The following RGL1 variants were observed in gnomAD, a reference collection of about 807,000 sequenced individuals.
RGL1 encodes ral guanine nucleotide dissociation stimulator like 1.
Under a neutral mutation model 95.2 loss-of-function variants are expected in RGL1, and 24 were observed. That is an observed-to-expected ratio of 0.25 (90% confidence interval 0.18 to 0.35). The LOEUF (loss-of-function observed/expected upper bound fraction) is 0.35. Ranked by LOEUF, RGL1 falls within the 10% of genes least tolerant of loss-of-function variation. The pLI is 1.00. For synonymous variants in RGL1, 329 were observed against 344.9 expected (o/e 0.95, Z 0.51); for missense variants, 715 against 936.3 (o/e 0.76, Z 3.08).
chr1:183,877,014 C>T (rs1666533341), intron 4 of RGL1, among the ~76,000 whole-genome samples: 1 of 152,194 alleles, frequency 6.6e-6, no homozygotes, highest in Non-Finnish European at 1.5e-5. Context: ...CACAACTGAT[C>T]AGTGTCAGGT....
At chr1:183,765,208 T>G (rs901153562) in intron 2 of RGL1, among the ~76,000 whole-genome samples, 3 of 152,194 alleles carry the variant, frequency 2.0e-5, no homozygotes, top group African/African-American at 7.2e-5. Context: ...CAATGTGAAT[T>G]CCTCAAAGCT....
chr1:183,807,946 C>T (rs1224943756), intron 2 of RGL1, among the ~76,000 whole-genome samples: 1 of 152,172 alleles, frequency 6.6e-6, no homozygotes. Flanking sequence ...AATGTGGCGT[C>T]CATGTGGTTT....
chr1:183,674,935 C>A (rs4325101), intron 1 of RGL1, among the ~76,000 whole-genome samples: 12,839 of 152,180 alleles, frequency 0.084, 1,050 homozygotes, highest in African/African-American at 0.22. Context: ...AGTAATTAGG[C>A]GGCTGTCCCA....
At chr1:183,700,692 C>T (rs1654540045) in intron 1 of RGL1, among the ~76,000 whole-genome samples, 1 of 151,922 alleles carries the variant, frequency 6.6e-6, no homozygotes, top group African/African-American at 2.4e-5. Flanking sequence ...ATTACAGGTG[C>T]ACACCACCAC....
At chr1:183,644,455 T>G (rs1196965607) in intron 1 of RGL1, among the ~76,000 whole-genome samples, 1 of 152,108 alleles carries the variant, frequency 6.6e-6, no homozygotes, top group Non-Finnish European at 1.5e-5. Context: ...AAACAGGGTC[T>G]TGCTATGTTG....
intron 2 of RGL1, 143 bp downstream of exon 2, chr1:183,806,628 C>T: frequency 3.2e-6 from 2 of 615,902 alleles, no homozygotes; most frequent in Non-Finnish European, 5.7e-6. Context: ...CAAGTGTTTG[C>T]ACTAGCTGAA....
chr1:183,704,296 G>T (rs185876888), intron 1 of RGL1, among the ~76,000 whole-genome samples: 1 of 152,184 alleles, frequency 6.6e-6, no homozygotes, highest in Non-Finnish European at 1.5e-5. Flanking sequence ...GTTAGGAAAC[G>T]CTGTTCTTTC....
intron 2 of RGL1, among the ~76,000 whole-genome samples, chr1:183,755,800 GTAAT>G (rs1273297484): frequency 6.6e-6 from 1 of 152,034 alleles, no homozygotes; most frequent in Non-Finnish European, 1.5e-5. Context: ...CTTAGAGCAT[GTAAT>G]CCAGCATGAG....
intron 12 of RGL1, 96 bp from the exon 13 acceptor site, chr1:183,904,754 C>A: frequency 7.8e-7 from 1 of 1,283,824 alleles, no homozygotes; most frequent in Non-Finnish European, 1.1e-6. Context: ...ATCTTTTATC[C>A]TAATGTGGTA....
intron 1 of RGL1, among the ~76,000 whole-genome samples, chr1:183,642,259 A>T (rs2101976480): frequency 6.6e-6 from 1 of 152,346 alleles, no homozygotes; most frequent in East Asian, 1.9e-4. Context: ...CTTGGTAAAT[A>T]AACCCTTTAC....
intron 1 of RGL1, among the ~76,000 whole-genome samples, chr1:183,678,700 C>T (rs924748247): frequency 1.3e-5 from 2 of 151,700 alleles, no homozygotes; most frequent in African/African-American, 2.4e-5. Context: ...TTCTTCTAAG[C>T]AAGATTTCTT....
At chr1:183,650,675 A>T (rs1650677409) in intron 1 of RGL1, among the ~76,000 whole-genome samples, 1 of 150,350 alleles carries the variant, frequency 6.7e-6, no homozygotes, top group Non-Finnish European at 1.5e-5. Flanking sequence ...TATCTATTGC[A>T]TATATTATAT....
intron 16 of RGL1, 65 bp downstream of exon 16, chr1:183,916,766 C>T (rs889438856): frequency 1.4e-5 from 21 of 1,554,944 alleles, no homozygotes; most frequent in Admixed American, 7.1e-5. Context: ...GTCTGTCGGC[C>T]GCTCAGACTA....
At position 183,816,556 on chromosome 1, in the gene RGL1, G is replaced by A. The variant is rs574437100; in HGVS notation, c.138+10071G>A. ...TCCATTTCCTCACCTGTGAAATGGC[G>A]TTAATATCTGTTTTTACTCTGCCTA... On this transcript the variant is annotated intron_variant, in intron 2 of 17. Coordinates refer to ENST00000360851, the MANE Select transcript of RGL1 (RefSeq NM_001297671.3). 1.2e-4 allele frequency among the ~76,000 whole-genome samples: 19 copies of A among 152,270 alleles called. 1 individual carries two copies. In the South Asian group the frequency reaches 2.7e-3, roughly 22 times the overall value.
At chr1:183,866,433 T>C (rs1413489152) in intron 4 of RGL1, among the ~76,000 whole-genome samples, 2 of 152,144 alleles carry the variant, frequency 1.3e-5, no homozygotes. Flanking sequence ...AGCGTTTGGC[T>C]ATGTGTAGGG....
At chr1:183,711,887 C>G (rs1655299564) in intron 1 of RGL1, among the ~76,000 whole-genome samples, 1 of 152,120 alleles carries the variant, frequency 6.6e-6, no homozygotes, top group African/African-American at 2.4e-5. Context: ...CTCTATCCAC[C>G]CAAGAGCTAA....
At chr1:183,902,436 T>C in intron 11 of RGL1, 132 bp from the exon 12 acceptor site, 3 of 606,616 alleles carry the variant, frequency 4.9e-6, no homozygotes, top group Non-Finnish European at 8.1e-6. Flanking sequence ...TCCACAGTAG[T>C]CGTAATTATA....
chr1:183,637,933 C>T (rs1213120882), intron 1 of RGL1, among the ~76,000 whole-genome samples: 1 of 152,012 alleles, frequency 6.6e-6, no homozygotes, highest in Admixed American at 6.5e-5. Flanking sequence ...TCTTTGCTAA[C>T]TTTAGTAGAT....
intron 7 of RGL1, 33 bp from the exon 8 acceptor site, chr1:183,888,441 A>G (rs1324719988): frequency 8.0e-7 from 1 of 1,242,406 alleles, no homozygotes; most frequent in Admixed American, 1.7e-5. Context: ...TGATAGTTAA[A>G]TGCCTTTTAT....
Sources: allele counts gnomAD v4.1 joint callset (sites outside exome capture counted in the v4.1 genomes callset), GRCh38; gene constraint gnomAD v4.1.1; transcripts MANE v1.5; gene names NCBI Gene and HGNC (gene_info 2026-07-23, HGNC 2026-07-21).